The following CTSZ variants were observed in gnomAD, a reference collection of about 807,000 sequenced individuals.
The protein encoded by CTSZ is carboxypeptidase LB.
CTSZ carries 39 observed loss-of-function variants against 32.4 expected under a neutral mutation model. The observed-to-expected ratio is 1.20, with a 90% confidence interval of 0.93 to 1.57. CTSZ has a LOEUF of 1.57. CTSZ is among the 40% of genes most tolerant of loss of function. The probability of loss-of-function intolerance (pLI) is 0.00; values close to 1 mark genes in which losing one functional copy is unlikely to be tolerated. For missense variants in CTSZ, 397 were observed against 419.6 expected (o/e 0.95, Z 0.47); for synonymous variants, 168 against 170.1 (o/e 0.99, Z 0.10).
intron 3 of CTSZ, among the ~76,000 whole-genome samples, chr20:58,999,058 C>CA (rs2091875917): frequency 6.6e-6 from 1 of 151,590 alleles, no homozygotes; most frequent in Non-Finnish European, 1.5e-5. Flanking sequence ...TTTTTGGAGA[C>CA]AGAGTCTCAC....
chr20:58,996,497 C>G, intron 5 of CTSZ, 142 bp downstream of exon 5: 3 of 850,404 alleles, frequency 3.5e-6, no homozygotes, highest in Non-Finnish European at 5.7e-6. Context: ...AAGCCACTCG[C>G]GCGGTGGCTG....
Position 59,007,224 on chromosome 20 carries a change from T to C in CTSZ, c.-96A>G, listed in dbSNP as rs516339. ...TCTGGATCCCGCCCCGGCCTCGGCC[T>C]CGGCCCAGCACCCGGCCGACCCCGC... On this transcript the variant is annotated 5_prime_UTR_variant, in exon 1 of 6. Transcript: ENST00000217131. 119 of 842,138 alleles carry C rather than the reference T, an allele frequency of 1.4e-4. No homozygotes were observed. In the East Asian group the frequency reaches 2.1e-3, roughly 15 times the overall value. The allele number at this position is 842,138 out of a possible 1,614,324, so 52.2% of individuals were successfully genotyped here.
chr20:59,007,179 G>C lies in CTSZ; in HGVS notation c.-51C>G, dbSNP rs1057255042. The C allele has an allele frequency of 7.7e-7, 1 of 1,299,596 alleles. No individual in the cohort carries two copies. The highest frequency in any genetic ancestry group is 9.7e-7 in the Non-Finnish European group (1 of 1,031,374). 80.5% of individuals were successfully genotyped at this position (1,299,596 alleles called of 1,614,324 possible). A position where few individuals can be genotyped will look rare whatever the true frequency, so the allele number is the denominator to read the frequency against. On this transcript the variant is annotated 5_prime_UTR_variant, in exon 1 of 6. In the 5' UTR this introduces an upstream ATG that the reference lacks. Transcript: ENST00000217131. ...GCTCCGGATCCCGCTCCGAGTCCCA[G>C]ATCCCGCGCCGGCTCCCGCTCTGGA...
chr20:59,003,454 G>A (rs574213062), intron 2 of CTSZ, among the ~76,000 whole-genome samples: 15 of 152,352 alleles, frequency 9.8e-5, no homozygotes, highest in African/African-American at 2.4e-4. Context: ...TACGTTTAAT[G>A]CAGACAAAGC....
In CTSZ at chr20:59,002,747, A is replaced by T. The variant is rs773694822; in HGVS notation, c.308-1103T>A. ...CCAGCCTGCCCATGCTCTGCACCCC[A>T]AACCCTCTTCCTGGAGCAGCCGGTG... On this transcript the variant is annotated intron_variant, in intron 2 of 5. Transcript: ENST00000217131. The surrounding 1 kb of genome is among the most constrained non-coding windows in gnomAD (Gnocchi z 4.1). Among the ~76,000 whole-genome samples the T allele has an allele frequency of 2.0e-5, 3 of 151,838 alleles. No homozygotes were observed. Among genetic ancestry groups the T allele is most frequent in the Non-Finnish European group, 4.4e-5 (3 of 67,952 alleles).
In CTSZ at chr20:59,006,336, G is replaced by A. The variant is rs1174199839; in HGVS notation, c.293C>T (p.Thr98Ile). 6.2e-7 allele frequency: 1 copy of A among 1,611,224 alleles called. No homozygotes were observed. Among genetic ancestry groups the A allele is most frequent in the Non-Finnish European group, 8.5e-7 (1 of 1,178,972 alleles). The change falls in exon 2 of 6, where the codon ACC becomes ATC. Residue 98 changes from threonine to isoleucine, a missense_variant. By Grantham distance (89) the Thr-to-Ile change is moderately conservative. Transcript: ENST00000217131. ...YCGSCWAHAS[T>I]SAMADRINIK... ...CGGCCACTCACCCGCCATAGCGCTG[G>A]TGCTGGCGTGGGCCCAGCAGGAGCC...
intron 4 of CTSZ, among the ~76,000 whole-genome samples, 194 bp from the exon 5 acceptor site, chr20:58,996,995 G>A (rs1473402531): frequency 6.6e-6 from 1 of 151,858 alleles, no homozygotes; most frequent in East Asian, 1.9e-4. Context: ...CACCTCTACA[G>A]AAAATACAAA....
intron 4 of CTSZ, 99 bp from the exon 5 acceptor site, chr20:58,996,900 T>TA: frequency 7.3e-7 from 1 of 1,360,968 alleles, no homozygotes; most frequent in Non-Finnish European, 1.0e-6. Flanking sequence ...CTCACGCCTG[T>TA]AATTCCAGCA....
chr20:58,997,864 G>A (rs554670685), intron 3 of CTSZ, 111 bp from the exon 4 acceptor site: 84 of 944,546 alleles, frequency 8.9e-5, no homozygotes, highest in Non-Finnish European at 1.2e-4. Flanking sequence ...CCACTCAGCA[G>A]CTAAGAACGG....
intron 2 of CTSZ, among the ~76,000 whole-genome samples, chr20:59,003,071 T>C (rs2146365010): frequency 6.6e-6 from 1 of 152,334 alleles, no homozygotes; most frequent in East Asian, 1.9e-4. Context: ...TCCACTGTCA[T>C]CCGAGCTGAC....
intron 3 of CTSZ, among the ~76,000 whole-genome samples, chr20:58,999,346 C>G (rs1374227251): frequency 6.6e-6 from 1 of 152,144 alleles, no homozygotes; most frequent in Non-Finnish European, 1.5e-5. Flanking sequence ...GTCACACAAT[C>G]AGGTTTCTGA....
Position 59,001,465 on chromosome 20 carries a change from C to T in CTSZ, c.487G>A (p.Glu163Lys). ...AGTGGGGGCACGGGCAGCAGCCTACCCTGGTCCTTGGCCTGGTAGTTGTTG... is the reference window on the plus strand; with the variant it reads ...AGTGGGGGCACGGGCAGCAGCCTACTCTGGTCCTTGGCCTGGTAGTTGTTG... Reference protein sequence around the residue: ...TCNNYQAKDQECDKFNQCGTC... With the variant: ...TCNNYQAKDQKCDKFNQCGTC... The change falls in exon 3 of 6, where the codon GAG (glutamate) becomes AAG (lysine). Residue 163 changes from glutamate to lysine, a missense_variant and splice_region_variant. By Grantham distance (56) the Glu-to-Lys change is moderately conservative (BLOSUM62 1). Transcript: ENST00000217131. 1 of 1,610,288 alleles carries T rather than the reference C, an allele frequency of 6.2e-7. No individual in the cohort carries two copies. The highest frequency in any genetic ancestry group is 8.5e-7 in the Non-Finnish European group (1 of 1,177,330).
intron 3 of CTSZ, 119 bp downstream of exon 3, chr20:59,001,346 T>G (rs905818778): frequency 8.2e-7 from 1 of 1,219,136 alleles, no homozygotes. Flanking sequence ...CTCCCGCAGC[T>G]CCCCAGCCAC....
chr20:58,999,538 T>C (rs1295687532), intron 3 of CTSZ, among the ~76,000 whole-genome samples: 2 of 139,480 alleles, frequency 1.4e-5, no homozygotes, highest in South Asian at 2.4e-4. Context: ...CTCGAAGGAC[T>C]CACTCAGCCA....
chr20:58,997,034 G>A (rs1037735327), intron 4 of CTSZ, among the ~76,000 whole-genome samples: 1 of 151,984 alleles, frequency 6.6e-6, no homozygotes. Context: ...GTGTGCGCCA[G>A]TAGTCCCAGC....
intron 3 of CTSZ, among the ~76,000 whole-genome samples, chr20:59,001,219 C>T (rs2091887580): frequency 6.6e-6 from 1 of 152,212 alleles, no homozygotes; most frequent in African/African-American, 2.4e-5. Context: ...GATCCCCAGC[C>T]CAAGCGGGTG....
chr20:59,006,400 C>T lies in CTSZ; in HGVS notation c.229G>A (p.Ala77Thr). ...DWRNVDGVNY[A>T]SITRNQHIPQ... Reference sequence around the variant, plus strand: ...ATGTGCTGGTTCCGGGTGATGCTGGCATAGTTGACACCATCCACATTGCGC... The same window carrying T: ...ATGTGCTGGTTCCGGGTGATGCTGGTATAGTTGACACCATCCACATTGCGC... Residue 77 changes from alanine (A) to threonine (T), a missense_variant, in exon 2 of 6, where the codon GCC becomes ACC. Ala to Thr is a moderately conservative substitution (Grantham distance 58). Coordinates refer to ENST00000217131, the MANE Select transcript of CTSZ (RefSeq NM_001336.4). 1 of 1,614,016 alleles carries T rather than the reference C, an allele frequency of 6.2e-7. No individual in the cohort carries two copies. Among genetic ancestry groups the T allele is most frequent in the Non-Finnish European group, 8.5e-7 (1 of 1,180,030 alleles).
chr20:59,006,801 C>G (rs8126131), intron 1 of CTSZ, among the ~76,000 whole-genome samples, 185 bp downstream of exon 1: 350 of 152,336 alleles, frequency 2.3e-3, no homozygotes, highest in African/African-American at 8.1e-3. Context: ...GGGGCTTGTC[C>G]AACCCCACAA....
intron 2 of CTSZ, among the ~76,000 whole-genome samples, chr20:59,003,687 A>G (rs571971615): frequency 1.6e-3 from 248 of 152,256 alleles, no homozygotes; most frequent in South Asian, 8.3e-3. Context: ...CGCTGAGGTG[A>G]CATCCATAGG....
Sources: allele counts gnomAD v4.1 joint callset (sites outside exome capture counted in the v4.1 genomes callset), GRCh38; gene constraint gnomAD v4.1.1; non-coding constraint Gnocchi (gnomAD v3.1); transcripts MANE v1.5; gene names NCBI Gene and HGNC (gene_info 2026-07-23, HGNC 2026-07-21).